SAR1B: variants seen among roughly 807,000 people sequenced by gnomAD.
SAR1B encodes the protein small COPII coat GTPase SAR1B.
Under a neutral mutation model 26.8 loss-of-function variants are expected in SAR1B, and 23 were observed. The observed-to-expected ratio is 0.86, with a 90% CI of 0.62 to 1.22. The LOEUF (loss-of-function observed/expected upper bound fraction) is 1.22. Ranked by LOEUF, SAR1B falls within the 50% of genes most tolerant of loss-of-function variation. SAR1B has a pLI of 0.00. For missense variants in SAR1B, 196 were observed against 232.8 expected (o/e 0.84, Z 1.03); for synonymous variants, 65 against 80.8 (o/e 0.80, Z 1.05).
intron 3 of SAR1B, 146 bp downstream of exon 3, chr5:134,620,787 G>C: frequency 1.1e-6 from 1 of 906,312 alleles, no homozygotes; most frequent in Non-Finnish European, 1.8e-6. Flanking sequence ...CCAGGAGACA[G>C]AGGTTGCAGT....
At chr5:134,625,049 C>T (rs1765472942) in intron 1 of SAR1B, among the ~76,000 whole-genome samples, 1 of 152,090 alleles carries the variant, frequency 6.6e-6, no homozygotes, top group Non-Finnish European at 1.5e-5. Flanking sequence ...GACAAAGTCC[C>T]AAGAGGAGCT....
intron 3 of SAR1B, among the ~76,000 whole-genome samples, chr5:134,618,947 G>A (rs951265439): frequency 2.0e-5 from 3 of 151,568 alleles, no homozygotes; most frequent in African/African-American, 4.8e-5. Flanking sequence ...GCAGGGAGCC[G>A]AGATGGTGCC....
chr5:134,618,611 GGTTTCT>G (rs1765351387), intron 3 of SAR1B, among the ~76,000 whole-genome samples: 2 of 152,166 alleles, frequency 1.3e-5, no homozygotes, highest in African/African-American at 4.8e-5. Flanking sequence ...GGTTAAATTA[GGTTTCT>G]GTTTCTAATA....
intron 1 of SAR1B, among the ~76,000 whole-genome samples, chr5:134,630,889 C>CTTTTTTTTTTTTT (rs781218368): frequency 1.2e-4 from 8 of 69,144 alleles, no homozygotes; most frequent in Middle Eastern, 0.011. Context: ...CTTTTTTTTT[C>CTTTTTTTTTTTTT]TTTTTTTTTT....
chr5:134,624,735 C>G (rs1043931466), intron 1 of SAR1B, among the ~76,000 whole-genome samples: 1 of 150,724 alleles, frequency 6.6e-6, no homozygotes, highest in African/African-American at 2.4e-5. Flanking sequence ...TCAAGCGATC[C>G]TTCTGCCTCA....
Position 134,608,351 on chromosome 5 carries a change from TA to T in SAR1B, c.480+20del. 2.0e-6 allele frequency: 3 copies of T among 1,517,440 alleles called. No homozygotes were observed. The highest frequency in any genetic ancestry group is 2.7e-6 in the Non-Finnish European group (3 of 1,125,192). The allele number at this position is 1,517,440 out of a possible 1,614,324, so 94.0% of individuals were successfully genotyped here. On this transcript the variant is annotated intron_variant, in intron 6 of 6. Coordinates refer to ENST00000402673, the MANE Select transcript of SAR1B (RefSeq NM_016103.4). ...ACTGTAGAATTAAACACACCCATCA[TA>T]ATTTTTTTTTTTTTTTTACCTTTCC...
chr5:134,622,902 A>G, intron 2 of SAR1B, among the ~76,000 whole-genome samples: 1 of 150,852 alleles, frequency 6.6e-6, no homozygotes, highest in East Asian at 2.0e-4. Context: ...CAGGTGGAAC[A>G]TTTGAGGTCA....
intron 1 of SAR1B, among the ~76,000 whole-genome samples, chr5:134,628,118 G>A (rs1443899994): frequency 5.9e-5 from 9 of 151,782 alleles, no homozygotes; most frequent in Non-Finnish European, 8.8e-5. Context: ...CACTCCAGCC[G>A]GGGTGACAGA....
intron 4 of SAR1B, among the ~76,000 whole-genome samples, chr5:134,611,576 T>C (rs143848355): frequency 1.1e-3 from 165 of 151,898 alleles, no homozygotes; most frequent in African/African-American, 3.8e-3. Flanking sequence ...TTTTTTTTAA[T>C]TAAAACAAAA....
intron 1 of SAR1B, among the ~76,000 whole-genome samples, chr5:134,627,937 C>T (rs941033209): frequency 1.3e-5 from 2 of 151,900 alleles, no homozygotes; most frequent in East Asian, 1.9e-4. Context: ...TTCGGGAGTT[C>T]GAGACCAGCC....
At chr5:134,627,785 C>A (rs963850362) in intron 1 of SAR1B, among the ~76,000 whole-genome samples, 2 of 146,372 alleles carry the variant, frequency 1.4e-5, no homozygotes, top group Non-Finnish European at 1.5e-5. Flanking sequence ...GGCGACAGAG[C>A]GAGACTCCAT....
chr5:134,616,145 A>AC (rs1441483828), intron 3 of SAR1B, among the ~76,000 whole-genome samples: 3 of 150,536 alleles, frequency 2.0e-5, no homozygotes, highest in Admixed American at 1.3e-4. Context: ...AAAAAAAAAA[A>AC]AAAAAAGGGC....
chr5:134,626,749 A>G (rs1383340438), intron 1 of SAR1B, among the ~76,000 whole-genome samples: 3 of 152,200 alleles, frequency 2.0e-5, no homozygotes, highest in South Asian at 2.1e-4. Flanking sequence ...CTGGATAGAT[A>G]AATCCATAGA....
At chr5:134,627,302 T>TGGCC (rs1312418065) in intron 1 of SAR1B, among the ~76,000 whole-genome samples, 7 of 151,152 alleles carry the variant, frequency 4.6e-5, no homozygotes, top group Non-Finnish European at 1.0e-4. Context: ...CCGCCCTCCT[T>TGGCC]GGCCTCCCAA....
intron 2 of SAR1B, among the ~76,000 whole-genome samples, chr5:134,623,462 C>T (rs1310636888): frequency 6.8e-6 from 1 of 147,012 alleles, no homozygotes; most frequent in East Asian, 2.0e-4. Flanking sequence ...ACAAACAAAA[C>T]ACCAGCCTGG....
chr5:134,616,556 C>T (rs1765320673), intron 3 of SAR1B, among the ~76,000 whole-genome samples: 1 of 151,964 alleles, frequency 6.6e-6, no homozygotes, highest in East Asian at 1.9e-4. Context: ...GCTTAGTTAG[C>T]AAACCACCTC....
rs1176483189 is a variant in SAR1B, at chr5:134,626,162, G to T, written c.-18-2125C>A. 2.0e-5 allele frequency among the ~76,000 whole-genome samples: 3 copies of T among 151,680 alleles called. No homozygotes were observed. The South Asian group carries it at 6.3e-4, about 32-fold the overall frequency. On this transcript the variant is annotated intron_variant, in intron 1 of 6. Coordinates refer to ENST00000402673, the MANE Select transcript of SAR1B (RefSeq NM_016103.4). ...AAAAATACAAAAATTAGCTGGGTGT[G>T]GTGGTGCACACCTGTAATCCCAGCT...
chr5:134,609,671 C>T lies in SAR1B; in HGVS notation c.248G>A (p.Arg83Gln), dbSNP rs778717339. 6.2e-7 allele frequency: 1 copy of T among 1,613,650 alleles called. No homozygotes were observed. The highest frequency in any genetic ancestry group is 8.5e-7 in the Non-Finnish European group (1 of 1,179,608). The change falls in exon 5 of 7, where the codon CGA becomes CAA. Residue 83 changes from arginine to glutamine, a missense_variant. Arg to Gln is a conservative substitution (Grantham distance 43). Coordinates refer to ENST00000402673, the MANE Select transcript of SAR1B (RefSeq NM_016103.4). ...AGGAAGGTAGTTTTTCCACACTCTT[C>T]GAGCTAACAAAAACAATCAGGGGTT... is the stretch of plus-strand genomic sequence containing the variant. ...TFDLGGHVQARRVWKNYLPAI... is the reference protein window; with the variant it reads ...TFDLGGHVQAQRVWKNYLPAI...
At chr5:134,623,832 G>T in intron 2 of SAR1B, 130 bp downstream of exon 2, 1 of 697,052 alleles carries the variant, frequency 1.4e-6, no homozygotes, top group Non-Finnish European at 2.6e-6. Context: ...ATCTATGTAT[G>T]ATTTCAAAGC....
Sources: allele counts gnomAD v4.1 joint callset (sites outside exome capture counted in the v4.1 genomes callset), GRCh38; gene constraint gnomAD v4.1.1; transcripts MANE v1.5; gene names NCBI Gene and HGNC (gene_info 2026-07-23, HGNC 2026-07-21).